The following ACTR3B variants were observed in gnomAD, a reference collection of about 807,000 sequenced individuals.
ACTR3B encodes the protein actin-related protein 3B.
A neutral mutation model predicts 59.0 loss-of-function variants in ACTR3B; 8 were observed. That is an observed-to-expected ratio of 0.14 (90% confidence interval 0.08 to 0.24). ACTR3B has a LOEUF of 0.24. Ranked by LOEUF, ACTR3B falls within the 10% of genes least tolerant of loss-of-function variation. The pLI is 1.00. For missense variants in ACTR3B, 245 were observed against 552.3 expected (o/e 0.44, Z 5.58); for synonymous variants, 148 against 197.9 (o/e 0.75, Z 2.12).
At position 152,854,780 on chromosome 7, in the gene ACTR3B, G is replaced by A. The variant is rs191862750; in HGVS notation, c.*227G>A. 1.0e-5 allele frequency: 5 copies of A among 497,656 alleles called. No homozygotes were observed. Among genetic ancestry groups the A allele is most frequent in the Admixed American group, 3.6e-5 (1 of 27,988 alleles). 30.8% of individuals were successfully genotyped at this position (497,656 alleles called of 1,614,324 possible). A position where few individuals can be genotyped will look rare whatever the true frequency, so the allele number is the denominator to read the frequency against. On this transcript the variant is annotated 3_prime_UTR_variant, in exon 12 of 12. Coordinates refer to ENST00000256001, the MANE Select transcript of ACTR3B (RefSeq NM_020445.6). The surrounding 1 kb of genome is among the most constrained non-coding windows in gnomAD (Gnocchi z 4.9). ...TCCTTCTCCCGCCCTCCTCACCCTCGCTCTCCCTCCTCCTCCTCCTCCGAG... is the reference window on the plus strand; with the variant it reads ...TCCTTCTCCCGCCCTCCTCACCCTCACTCTCCCTCCTCCTCCTCCTCCGAG...
At chr7:152,813,477 CTT>C (rs1298202620) in intron 4 of ACTR3B, 1 of 151,968 alleles carries the variant, frequency 6.6e-6, no homozygotes, top group Non-Finnish European at 1.5e-5. Context: ...TTGGAAATGT[CTT>C]TGGAAATTCT....
chr7:152,786,605 T>C (rs986558088), intron 2 of ACTR3B, among the ~76,000 whole-genome samples: 1 of 150,032 alleles, frequency 6.7e-6, no homozygotes, highest in Non-Finnish European at 1.5e-5. Flanking sequence ...AAAAACCCCA[T>C]GGACTCACCA....
intron 9 of ACTR3B, among the ~76,000 whole-genome samples, chr7:152,844,707 T>G (rs1161990893): frequency 6.6e-6 from 1 of 150,640 alleles, no homozygotes; most frequent in South Asian, 2.1e-4. Flanking sequence ...TATCTCTCAC[T>G]ATCTTTTTGG....
At chr7:152,849,915 C>G (rs1798658688) in intron 9 of ACTR3B, among the ~76,000 whole-genome samples, 1 of 152,194 alleles carries the variant, frequency 6.6e-6, no homozygotes, top group African/African-American at 2.4e-5. Context: ...GGTGGCTTCT[C>G]CAGGTGGAAG....
At chr7:152,787,457 A>G (rs961487517) in intron 2 of ACTR3B, among the ~76,000 whole-genome samples, 3 of 151,932 alleles carry the variant, frequency 2.0e-5, no homozygotes, top group Admixed American at 6.6e-5. Context: ...TGATATAGTA[A>G]TACTTTTCAG....
At chr7:152,774,010 C>G (rs1388119815) in intron 1 of ACTR3B, among the ~76,000 whole-genome samples, 1 of 152,190 alleles carries the variant, frequency 6.6e-6, no homozygotes. Context: ...CAGCTCTTGC[C>G]CCTGCTGTCT....
At chr7:152,800,056 G>GT (rs956381899) in intron 2 of ACTR3B, among the ~76,000 whole-genome samples, 5 of 152,030 alleles carry the variant, frequency 3.3e-5, no homozygotes, top group Admixed American at 2.6e-4. Context: ...AATTTTAACG[G>GT]TTTTTTTTCT....
chr7:152,792,453 A>G (rs974707095), intron 2 of ACTR3B, among the ~76,000 whole-genome samples: 6 of 150,822 alleles, frequency 4.0e-5, no homozygotes, highest in African/African-American at 1.5e-4. Flanking sequence ...ATTTTTTTTT[A>G]ATTAAAGAAA....
At chr7:152,782,801 T>C (rs929415244) in intron 1 of ACTR3B, among the ~76,000 whole-genome samples, 7 of 152,120 alleles carry the variant, frequency 4.6e-5, no homozygotes, top group African/African-American at 1.7e-4. Flanking sequence ...GTGGGCAGTT[T>C]AATCAACTTC....
At chr7:152,818,859 C>G (rs1168837843) in intron 6 of ACTR3B, among the ~76,000 whole-genome samples, 1 of 152,220 alleles carries the variant, frequency 6.6e-6, no homozygotes, top group Non-Finnish European at 1.5e-5. Flanking sequence ...TAATACAATC[C>G]TAAGGTTATA....
intron 9 of ACTR3B, among the ~76,000 whole-genome samples, chr7:152,828,987 G>A (rs1796803230): frequency 6.6e-6 from 1 of 151,798 alleles, no homozygotes; most frequent in African/African-American, 2.4e-5. Flanking sequence ...TAATTTTTAT[G>A]AGTACTTAAT....
At chr7:152,767,698 T>A (rs1431689798) in intron 1 of ACTR3B, among the ~76,000 whole-genome samples, 1 of 152,198 alleles carries the variant, frequency 6.6e-6, no homozygotes, top group Non-Finnish European at 1.5e-5. Context: ...GCAGGTAGAT[T>A]TCTTGTTAAC....
intron 1 of ACTR3B, among the ~76,000 whole-genome samples, chr7:152,761,533 G>A (rs1590176594): frequency 1.3e-5 from 2 of 152,128 alleles, no homozygotes; most frequent in East Asian, 1.9e-4. Context: ...CTAAAATGTC[G>A]TGCTCAGTTT....
At chr7:152,821,278 A>G (rs1226865694) in intron 7 of ACTR3B, among the ~76,000 whole-genome samples, 1 of 152,058 alleles carries the variant, frequency 6.6e-6, no homozygotes, top group Non-Finnish European at 1.5e-5. Context: ...CCATGGAAGA[A>G]TATTTGACTA....
intron 4 of ACTR3B, among the ~76,000 whole-genome samples, chr7:152,803,125 C>G (rs2098241923): frequency 1.3e-5 from 2 of 152,244 alleles, no homozygotes; most frequent in African/African-American, 4.8e-5. Context: ...TAGCTCACTG[C>G]AGCCTCGGAC....
intron 4 of ACTR3B, among the ~76,000 whole-genome samples, chr7:152,806,286 TC>T (rs551308232): frequency 4.6e-5 from 7 of 152,328 alleles, no homozygotes; most frequent in South Asian, 4.1e-4. Flanking sequence ...GTGATTGTGG[TC>T]CTCAGAACCC....
chr7:152,797,748 T>G (rs958483959), intron 2 of ACTR3B, among the ~76,000 whole-genome samples: 1 of 152,182 alleles, frequency 6.6e-6, no homozygotes, highest in African/African-American at 2.4e-5. Context: ...GAGATCAACT[T>G]TTTAAGATCC....
intron 1 of ACTR3B, among the ~76,000 whole-genome samples, chr7:152,772,604 CATA>C (rs1186735450): frequency 2.0e-5 from 3 of 149,808 alleles, no homozygotes; most frequent in African/African-American, 7.4e-5. Context: ...TAAAATGCAG[CATA>C]ATAAGACATT....
intron 1 of ACTR3B, among the ~76,000 whole-genome samples, chr7:152,777,756 G>A (rs552533171): frequency 2.6e-5 from 4 of 152,250 alleles, no homozygotes; most frequent in African/African-American, 9.6e-5. Context: ...TTTGAGACCA[G>A]CCTGGCCAAC....
Sources: gnomAD v4.1 joint callset for allele counts (sites outside exome capture counted in the v4.1 genomes callset) on GRCh38, gnomAD v4.1.1 for gene constraint, Gnocchi (gnomAD v3.1) non-coding constraint, MANE v1.5 for transcripts, NCBI Gene and HGNC (gene_info 2026-07-23, HGNC 2026-07-21) for gene names.